Variants in SCN8A observed in about 807,000 individuals in gnomAD.
The protein encoded by SCN8A is sodium voltage-gated channel alpha subunit 8.
In SCN8A, 30 loss-of-function variants were observed where a neutral mutation model predicts 184.1. That is an observed-to-expected ratio of 0.16 (90% CI 0.12 to 0.22). The LOEUF is 0.22. Among genes scored for constraint, SCN8A ranks in the 10% least tolerant of loss-of-function variants. The pLI is 1.00. For synonymous variants in SCN8A, 852 were observed against 907.0 expected (o/e 0.94, Z 1.09); for missense variants, 1,057 against 2,498.9 (o/e 0.42, Z 12.30).
intron 15 of SCN8A, 135 bp downstream of exon 15, chr12:51,762,811 G>T: frequency 1.2e-6 from 1 of 811,942 alleles, no homozygotes; most frequent in Non-Finnish European, 1.8e-6. Flanking sequence ...ATTTGGCTTA[G>T]CTACTAAAAT....
intron 1 of SCN8A, among the ~76,000 whole-genome samples, chr12:51,634,622 C>A (rs925075509): frequency 2.7e-5 from 4 of 148,696 alleles, no homozygotes; most frequent in Non-Finnish European, 4.5e-5. Context: ...AAGTTTTCTA[C>A]AATGAAATAC....
intron 20 of SCN8A, among the ~76,000 whole-genome samples, chr12:51,777,484 T>C (rs555967703): frequency 6.6e-6 from 1 of 152,266 alleles, no homozygotes; most frequent in South Asian, 2.1e-4. Flanking sequence ...TTGTTTGTTT[T>C]AGGTTTGATT....
At chr12:51,617,669 T>C (rs1939870519) in intron 1 of SCN8A, among the ~76,000 whole-genome samples, 1 of 152,218 alleles carries the variant, frequency 6.6e-6, no homozygotes. Flanking sequence ...ATTTGTATCC[T>C]GAACACTTTC....
intron 12 of SCN8A, among the ~76,000 whole-genome samples, chr12:51,728,605 C>T (rs1196276795): frequency 2.6e-5 from 4 of 152,038 alleles, no homozygotes; most frequent in African/African-American, 7.2e-5. Flanking sequence ...TGTGGTGTCA[C>T]GCACCTTTAG....
chr12:51,807,321 G>A lies in SCN8A; in HGVS notation c.5835G>A (p.Pro1945=), dbSNP rs776428412. The part of the protein sequence containing the change: ...KESTPSTASL[P]SYDSVTKPEK... Reference sequence around the variant, plus strand: ...GCACCCCATCTACAGCCTCCCTCCCGTCCTATGACAGTGTAACTAAACCTG... The same window carrying A: ...GCACCCCATCTACAGCCTCCCTCCCATCCTATGACAGTGTAACTAAACCTG... The change falls in exon 27 of 27, where the codon CCG becomes CCA. Residue 1945 remains proline (P), a synonymous_variant. Transcript: ENST00000627620. This position sits in a 1 kb window ranked among gnomAD's most constrained non-coding sequence, Gnocchi z 4.5. 3.1e-6 allele frequency: 5 copies of A among 1,613,684 alleles called. No individual in the cohort carries two copies. The highest frequency in any genetic ancestry group is 2.2e-5 in the East Asian group (1 of 44,886).
At chr12:51,703,196 CAGCA>C in intron 9 of SCN8A, among the ~76,000 whole-genome samples, 1 of 152,190 alleles carries the variant, frequency 6.6e-6, no homozygotes, top group Non-Finnish European at 1.5e-5. Flanking sequence ...TCATCCTCTG[CAGCA>C]TATCTCCTTT....
chr12:51,781,881 T>TA (rs1177681130), intron 21 of SCN8A, among the ~76,000 whole-genome samples: 2 of 152,182 alleles, frequency 1.3e-5, no homozygotes, highest in Non-Finnish European at 2.9e-5. Flanking sequence ...ATTAAACTGT[T>TA]ACGATAGTCT....
At chr12:51,619,367 A>G (rs1939913077) in intron 1 of SCN8A, among the ~76,000 whole-genome samples, 1 of 152,206 alleles carries the variant, frequency 6.6e-6, no homozygotes, top group Non-Finnish European at 1.5e-5. Context: ...ATTATGGGAA[A>G]GTTGCATTCA....
intron 1 of SCN8A, among the ~76,000 whole-genome samples, chr12:51,600,614 G>A (rs1029759517): frequency 9.9e-5 from 15 of 152,080 alleles, no homozygotes; most frequent in African/African-American, 1.7e-4. Flanking sequence ...GGGCCCTAAC[G>A]TACAACTTGA....
At chr12:51,621,314 T>C (rs1183059952) in intron 1 of SCN8A, among the ~76,000 whole-genome samples, 3 of 152,224 alleles carry the variant, frequency 2.0e-5, no homozygotes. Flanking sequence ...AATTCCCTCT[T>C]GAATGCTATT....
chr12:51,613,714 T>C (rs1292248670), intron 1 of SCN8A, among the ~76,000 whole-genome samples: 1 of 152,114 alleles, frequency 6.6e-6, no homozygotes, highest in Non-Finnish European at 1.5e-5. Flanking sequence ...TCTAATATAA[T>C]CTCTTAATGC....
rs569838543 is a variant in SCN8A, at chr12:51,787,637, C to T, written c.4227+811C>T. Among the ~76,000 whole-genome samples, 3 of 152,274 alleles carry T rather than the reference C, an allele frequency of 2.0e-5. No individual in the cohort carries two copies. In the South Asian group the frequency reaches 6.2e-4, roughly 32 times the overall value. ...TTTAAAAATTTCTTAGCACAATTCCCAGCATATAACCATGCTTAATTAATG... is the reference window on the plus strand; with the variant it reads ...TTTAAAAATTTCTTAGCACAATTCCTAGCATATAACCATGCTTAATTAATG... On this transcript the variant is annotated intron_variant, in intron 22 of 26. Transcript: ENST00000627620.
rs2138879063 is a variant in SCN8A, at chr12:51,774,267, A to G, written c.3724A>G (p.Ile1242Val). Reference sequence around the variant, plus strand: ...ATATGCTGACAAAGTCTTCACCTATATCTTCATCCTGGAGATGTTGCTCAA... The same window carrying G: ...ATATGCTGACAAAGTCTTCACCTATGTCTTCATCCTGGAGATGTTGCTCAA... ...LEYADKVFTY[I>V]FILEMLLKWT... The change falls in exon 20 of 27, where the codon ATC (isoleucine) becomes GTC (valine). Residue 1242 changes from isoleucine (I) to valine (V), a missense_variant. Ile to Val is a conservative substitution (Grantham distance 29). Around this residue, in one of 19 missense-constraint regions of SCN8A, gnomAD observed 43 missense variants for 118.4 expected, o/e 0.36. Transcript: ENST00000627620. The G allele has an allele frequency of 1.9e-6, 3 of 1,614,134 alleles. No individual in the cohort carries two copies. The highest frequency in any genetic ancestry group is 2.2e-5 in the East Asian group (1 of 44,882).
intron 14 of SCN8A, among the ~76,000 whole-genome samples, chr12:51,752,948 T>G (rs979021864): frequency 3.9e-5 from 6 of 152,232 alleles, no homozygotes; most frequent in African/African-American, 1.4e-4. Context: ...AATCTTTACT[T>G]TTCCTTACTT....
At chr12:51,607,366 C>T (rs1318611883) in intron 1 of SCN8A, among the ~76,000 whole-genome samples, 1 of 152,144 alleles carries the variant, frequency 6.6e-6, no homozygotes. Context: ...ATCATATCGT[C>T]AGCAAATAGT....
In SCN8A at chr12:51,721,679, C is replaced by T; in HGVS notation, c.1769C>T (p.Thr590Met). The T allele has an allele frequency of 6.3e-7, 1 of 1,599,058 alleles. No individual in the cohort carries two copies. The highest frequency in any genetic ancestry group is 1.7e-4 in the Middle Eastern group (1 of 6,056). Residue 590 changes from threonine to methionine, a missense_variant, in exon 12 of 27, where the codon ACG (threonine) becomes ATG (methionine). Around this residue, in one of 19 missense-constraint regions of SCN8A, gnomAD observed 322 missense variants for 390.1 expected, o/e 0.83. Transcript: ENST00000627620. ...GAGTTCGCGGATGACGAGCACAGCACGGTGGAGGAGAGCGAGGGCCGCCGG... is the reference window on the plus strand; with the variant it reads ...GAGTTCGCGGATGACGAGCACAGCATGGTGGAGGAGAGCGAGGGCCGCCGG... ...ENEFADDEHS[T>M]VEESEGRRDS...
At chr12:51,646,287 G>A (rs1940588826) in intron 1 of SCN8A, among the ~76,000 whole-genome samples, 1 of 152,198 alleles carries the variant, frequency 6.6e-6, no homozygotes, top group Admixed American at 6.5e-5. Context: ...GAAAGAGTTA[G>A]ATGGTAAATA....
intron 5 of SCN8A, 73 bp downstream of exon 5, chr12:51,687,292 T>A: frequency 1.3e-6 from 2 of 1,553,386 alleles, no homozygotes. Flanking sequence ...TGGGTCTGTT[T>A]GTAGGTGTGC....
At chr12:51,592,383 T>C (rs895571488) in intron 1 of SCN8A, among the ~76,000 whole-genome samples, 2 of 152,020 alleles carry the variant, frequency 1.3e-5, no homozygotes, top group Admixed American at 6.6e-5. Context: ...TGGGATGGAA[T>C]GGGAACCATT....
Sources: allele counts gnomAD v4.1 joint callset (sites outside exome capture counted in the v4.1 genomes callset), GRCh38; gene constraint gnomAD v4.1.1; regional missense constraint gnomAD v4.1.1; non-coding constraint Gnocchi (gnomAD v3.1); transcripts MANE v1.5; gene names NCBI Gene and HGNC (gene_info 2026-07-23, HGNC 2026-07-21).